Variants in PTPRN2 observed in about 807,000 individuals in gnomAD.
The protein encoded by PTPRN2 is protein tyrosine phosphatase receptor type N2, also known as receptor-type tyrosine-protein phosphatase N2.
PTPRN2 carries 74 observed loss-of-function variants against 118.8 expected under a neutral mutation model. That is an observed-to-expected ratio of 0.62 (90% CI 0.52 to 0.76). The LOEUF (loss-of-function observed/expected upper bound fraction) is 0.76, where lower values mean the gene tolerates loss of function less well. Ranked by LOEUF, PTPRN2 falls within the 30% of genes least tolerant of loss-of-function variation. PTPRN2 has a pLI of 0.00. For synonymous variants in PTPRN2, 641 were observed against 608.0 expected (o/e 1.05, Z -0.80); for missense variants, 1,481 against 1,394.4 (o/e 1.06, Z -0.99).
At chr7:158,564,387 C>T (rs1159743151) in intron 1 of PTPRN2, among the ~76,000 whole-genome samples, 1 of 152,230 alleles carries the variant, frequency 6.6e-6, no homozygotes, top group Non-Finnish European at 1.5e-5. Flanking sequence ...GTGATGGATA[C>T]AGCCAATCGA....
intron 11 of PTPRN2, among the ~76,000 whole-genome samples, chr7:158,010,632 T>C (rs1325130499): frequency 6.6e-6 from 1 of 152,222 alleles, no homozygotes; most frequent in Admixed American, 6.5e-5. Context: ...ACCCCATTTA[T>C]ATAGCACCAG....
intron 11 of PTPRN2, among the ~76,000 whole-genome samples, chr7:157,952,820 A>T (rs1563269309): frequency 6.6e-6 from 1 of 152,136 alleles, no homozygotes; most frequent in Non-Finnish European, 1.5e-5. Context: ...AATGCTCTGA[A>T]CACACTTGCT....
intron 9 of PTPRN2, 91 bp from the exon 10 acceptor site, chr7:158,111,006 G>T: frequency 9.1e-7 from 1 of 1,102,872 alleles, no homozygotes; most frequent in Non-Finnish European, 1.3e-6. Context: ...CCCGCTCCCT[G>T]GTCCCCACAC....
At chr7:157,643,382 C>A (rs1804823162) in intron 14 of PTPRN2, among the ~76,000 whole-genome samples, 1 of 152,208 alleles carries the variant, frequency 6.6e-6, no homozygotes. Flanking sequence ...TCAAATCACT[C>A]CCCCTCCCAC....
At chr7:157,786,127 G>A (rs1345631018) in intron 12 of PTPRN2, among the ~76,000 whole-genome samples, 1 of 152,176 alleles carries the variant, frequency 6.6e-6, no homozygotes, top group East Asian at 1.9e-4. Context: ...GCTGTGGGGT[G>A]GATCCCAGGC....
At chr7:158,198,640 T>C (rs1398293492) in intron 4 of PTPRN2, among the ~76,000 whole-genome samples, 1 of 152,204 alleles carries the variant, frequency 6.6e-6, no homozygotes, top group African/African-American at 2.4e-5. Context: ...TGGTTCTCTT[T>C]AGCCATTAGC....
At chr7:158,071,769 A>AGGTGCTCGTGGTGG (rs1563393422) in intron 11 of PTPRN2, among the ~76,000 whole-genome samples, 1 of 44,796 alleles carries the variant, frequency 2.2e-5, no homozygotes, top group African/African-American at 1.7e-4. Context: ...GCTCGTGGTG[A>AGGTGCTCGTGGTGG]TGGAGGTGCT....
chr7:158,139,067 A>G (rs73745140), intron 6 of PTPRN2, among the ~76,000 whole-genome samples: 7,515 of 152,210 alleles, frequency 0.049, 596 homozygotes, highest in African/African-American at 0.17. Flanking sequence ...CCAAGAAAGT[A>G]ACTGCTGCCG....
rs59995889 is a variant in PTPRN2 at position 158,319,509 on chromosome 7, C to A, written c.164-2577G>T. 1.3e-3 allele frequency among the ~76,000 whole-genome samples: 48 copies of A among 37,008 alleles called. 2 individuals carry two copies. Among genetic ancestry groups the A allele is most frequent in the East Asian group, 1.7e-3 (2 of 1,164 alleles). The allele number at this position is 37,008 out of a possible 152,430, so 24.3% of individuals were successfully genotyped here. A position where few individuals can be genotyped will look rare whatever the true frequency, so the allele number is the denominator to read the frequency against. ...TCCCTCACACTCACACAGCCTCCCC[C>A]CACACACACAGCCTCCCTCACACAC... On this transcript the variant is annotated intron_variant, in intron 2 of 22. Coordinates refer to ENST00000389418, the MANE Select transcript of PTPRN2 (RefSeq NM_002847.5).
chr7:158,345,222 T>C (rs879489777), intron 2 of PTPRN2, among the ~76,000 whole-genome samples: 6 of 152,070 alleles, frequency 3.9e-5, no homozygotes, highest in Non-Finnish European at 7.4e-5. Context: ...ACTAAAGAAG[T>C]CATCTGAGTG....
intron 21 of PTPRN2, among the ~76,000 whole-genome samples, chr7:157,559,762 G>A (rs561634641): frequency 1.3e-5 from 2 of 152,316 alleles, no homozygotes; most frequent in South Asian, 4.1e-4. Flanking sequence ...AGAAACATGT[G>A]GACTCAGGGA....
chr7:158,274,104 A>G (rs1394779186), intron 3 of PTPRN2, among the ~76,000 whole-genome samples: 2 of 96,926 alleles, frequency 2.1e-5, no homozygotes, highest in African/African-American at 8.4e-5. Context: ...GCAGACAGAC[A>G]TGGGAGGAGC....
intron 2 of PTPRN2, among the ~76,000 whole-genome samples, chr7:158,444,338 G>A (rs1031947482): frequency 1.3e-5 from 2 of 152,264 alleles, no homozygotes; most frequent in African/African-American, 4.8e-5. Context: ...GCGCCCAGGC[G>A]CCTCCTCCCC....
intron 4 of PTPRN2, among the ~76,000 whole-genome samples, chr7:158,203,022 A>G (rs759456858): frequency 4.7e-4 from 72 of 152,064 alleles, no homozygotes; most frequent in Admixed American, 2.5e-3. Flanking sequence ...TCATGAGGTC[A>G]GGAGTTCAAG....
intron 12 of PTPRN2, among the ~76,000 whole-genome samples, chr7:157,858,022 T>G (rs1055610193): frequency 1.3e-5 from 2 of 151,218 alleles, no homozygotes; most frequent in African/African-American, 4.9e-5. Flanking sequence ...AAACACGGCC[T>G]TTGCTGGTTC....
intron 12 of PTPRN2, among the ~76,000 whole-genome samples, chr7:157,758,755 T>C (rs1801960844): frequency 6.8e-6 from 1 of 146,522 alleles, no homozygotes; most frequent in South Asian, 2.3e-4. Flanking sequence ...CTTCCCCAGC[T>C]CCCCACGCTA....
At chr7:158,354,860 A>C (rs1032783545) in intron 2 of PTPRN2, among the ~76,000 whole-genome samples, 5 of 152,198 alleles carry the variant, frequency 3.3e-5, no homozygotes, top group African/African-American at 1.2e-4. Flanking sequence ...AAATATGACC[A>C]CCTCAGGCTT....
At chr7:158,331,543 A>C (rs1325763712) in intron 2 of PTPRN2, among the ~76,000 whole-genome samples, 3 of 144,110 alleles carry the variant, frequency 2.1e-5, no homozygotes, top group African/African-American at 5.4e-5. Flanking sequence ...TGTCACCATA[A>C]GAGCTGACAC....
intron 2 of PTPRN2, among the ~76,000 whole-genome samples, chr7:158,483,929 C>G (rs1016627848): frequency 2.6e-5 from 4 of 151,828 alleles, no homozygotes; most frequent in Non-Finnish European, 5.9e-5. Context: ...CTTGAGGTCA[C>G]GAGTTCAAGA....
Sources: allele counts gnomAD v4.1 joint callset (sites outside exome capture counted in the v4.1 genomes callset), GRCh38; gene constraint gnomAD v4.1.1; transcripts MANE v1.5; gene names NCBI Gene and HGNC (gene_info 2026-07-23, HGNC 2026-07-21).